The following CLEC16A variants were observed in gnomAD, a reference collection of about 807,000 sequenced individuals.
The protein encoded by CLEC16A is protein CLEC16A.
A neutral mutation model predicts 109.5 loss-of-function variants in CLEC16A; 51 were observed. The ratio of observed to expected loss-of-function variants is 0.47; its 90% confidence interval spans 0.37 to 0.59. CLEC16A has a LOEUF of 0.59. Ranked by LOEUF, CLEC16A falls within the 20% of genes least tolerant of loss-of-function variation. CLEC16A has a pLI of 0.00. For synonymous variants in CLEC16A, 673 were observed against 564.2 expected (o/e 1.19, Z -2.73); for missense variants, 1,339 against 1,394.0 (o/e 0.96, Z 0.63).
intron 19 of CLEC16A, among the ~76,000 whole-genome samples, chr16:11,107,727 A>T (rs1483426639): frequency 6.6e-6 from 1 of 152,204 alleles, no homozygotes; most frequent in East Asian, 1.9e-4. Flanking sequence ...CTGGGCTTAC[A>T]CTGGAATCAG....
At chr16:11,062,426 C>A (rs537275040) in intron 19 of CLEC16A, among the ~76,000 whole-genome samples, 2 of 152,268 alleles carry the variant, frequency 1.3e-5, no homozygotes, top group African/African-American at 4.8e-5. Flanking sequence ...AATGACAGGA[C>A]CCCCACAGCC....
At chr16:10,995,599 T>C (rs1334198591) in intron 10 of CLEC16A, among the ~76,000 whole-genome samples, 1 of 152,184 alleles carries the variant, frequency 6.6e-6, no homozygotes, top group Non-Finnish European at 1.5e-5. Flanking sequence ...TGAAGGGCAA[T>C]GAAAATTTCT....
intron 22 of CLEC16A, among the ~76,000 whole-genome samples, chr16:11,130,372 T>G (rs2053122538): frequency 1.3e-5 from 2 of 152,158 alleles, no homozygotes; most frequent in African/African-American, 2.4e-5. Context: ...CCATGGAACT[T>G]TGACAAGGGA....
At chr16:10,976,444 C>A (rs988918405) in intron 7 of CLEC16A, among the ~76,000 whole-genome samples, 1 of 150,856 alleles carries the variant, frequency 6.6e-6, no homozygotes, top group East Asian at 1.9e-4. Context: ...GTAGAAAAAA[C>A]AGACATTAGG....
chr16:11,023,451 A>G (rs75811377), intron 12 of CLEC16A, among the ~76,000 whole-genome samples: 20,296 of 152,168 alleles, frequency 0.13, 1,350 homozygotes, highest in South Asian at 0.14. Context: ...AAATCTACAC[A>G]TGGCAAAACT....
chr16:11,002,418 TTGA>T (rs1384882176), intron 10 of CLEC16A, among the ~76,000 whole-genome samples: 1 of 152,218 alleles, frequency 6.6e-6, no homozygotes, highest in Non-Finnish European at 1.5e-5. Context: ...TTTTGATTAT[TTGA>T]TGATGATGTT....
chr16:11,157,789 C>T (rs1227692817), intron 22 of CLEC16A, among the ~76,000 whole-genome samples: 1 of 152,182 alleles, frequency 6.6e-6, no homozygotes, highest in Admixed American at 6.5e-5. Context: ...CTTTGAGCAG[C>T]CGTGGGTAGT....
intron 4 of CLEC16A, 114 bp from the exon 5 acceptor site, chr16:10,971,011 T>C: frequency 2.2e-5 from 10 of 464,418 alleles, no homozygotes; most frequent in Admixed American, 7.9e-5. Context: ...TGGCAACATT[T>C]TTTTTTTTTT....
chr16:11,118,961 A>T (rs533352831), intron 19 of CLEC16A, among the ~76,000 whole-genome samples: 1 of 152,132 alleles, frequency 6.6e-6, no homozygotes, highest in South Asian at 2.1e-4. Context: ...ATGTGGCTTT[A>T]TTTCTGGGCT....
chr16:11,107,571 T>C (rs9933507), intron 19 of CLEC16A, among the ~76,000 whole-genome samples: 69,016 of 152,050 alleles, frequency 0.45, 15,893 homozygotes, highest in African/African-American at 0.53. Context: ...GCCCTTCTTT[T>C]GTCTTGAAAG....
chr16:11,056,121 A>G (rs1227078115), intron 18 of CLEC16A, among the ~76,000 whole-genome samples: 3 of 152,190 alleles, frequency 2.0e-5, no homozygotes. Context: ...TTGGAGCAGA[A>G]CTTTGGGCTT....
intron 6 of CLEC16A, among the ~76,000 whole-genome samples, 172 bp from the exon 7 acceptor site, chr16:10,972,766 G>C (rs1179217742): frequency 6.6e-6 from 1 of 151,940 alleles, no homozygotes; most frequent in Non-Finnish European, 1.5e-5. Flanking sequence ...ATAGTTTTAT[G>C]AATAAGATAA....
chr16:11,126,969 C>T (rs756562762), intron 22 of CLEC16A, among the ~76,000 whole-genome samples: 4 of 152,178 alleles, frequency 2.6e-5, no homozygotes, highest in Admixed American at 1.3e-4. Context: ...GCTCAAAACC[C>T]GAGTCCTGGT....
intron 19 of CLEC16A, among the ~76,000 whole-genome samples, chr16:11,095,186 C>T (rs1028160643): frequency 3.3e-5 from 5 of 150,610 alleles, no homozygotes; most frequent in Non-Finnish European, 5.9e-5. Flanking sequence ...AAAAAGTGGG[C>T]GGTAATGTTA....
chr16:11,021,131 G>GC (rs1191099385), intron 12 of CLEC16A, among the ~76,000 whole-genome samples: 1 of 152,162 alleles, frequency 6.6e-6, no homozygotes, highest in East Asian at 1.9e-4. Flanking sequence ...AATACACACG[G>GC]CCCCCCATCC....
chr16:11,145,640 G>A (rs2054021011), intron 22 of CLEC16A, among the ~76,000 whole-genome samples: 1 of 152,258 alleles, frequency 6.6e-6, no homozygotes, highest in African/African-American at 2.4e-5. Context: ...CCAAGTGGGT[G>A]GGGCTGTGCC....
intron 3 of CLEC16A, among the ~76,000 whole-genome samples, chr16:10,966,404 C>T (rs763848245): frequency 2.0e-4 from 30 of 152,018 alleles, no homozygotes; most frequent in African/African-American, 4.4e-4. Flanking sequence ...ATTGGGGTAG[C>T]GGGTACTGAC....
chr16:11,073,825 G>C (rs1238540418), intron 19 of CLEC16A, among the ~76,000 whole-genome samples: 3 of 152,226 alleles, frequency 2.0e-5, no homozygotes. Flanking sequence ...TTCTTGGATT[G>C]AACTGATTAA....
At chr16:11,067,663 A>G (rs1450900903) in intron 19 of CLEC16A, among the ~76,000 whole-genome samples, 2 of 152,198 alleles carry the variant, frequency 1.3e-5, no homozygotes, top group Non-Finnish European at 2.9e-5. Flanking sequence ...TTGTATCTCA[A>G]AAGGCCCTCT....
Sources: allele counts gnomAD v4.1 joint callset (sites outside exome capture counted in the v4.1 genomes callset), GRCh38; gene constraint gnomAD v4.1.1; transcripts MANE v1.5; gene names NCBI Gene and HGNC (gene_info 2026-07-23, HGNC 2026-07-21).